Variants in NPY2R observed in about 807,000 individuals in gnomAD.
NPY2R encodes the protein neuropeptide Y receptor Y2, also known as neuropeptide Y receptor type 2.
In NPY2R, 17 loss-of-function variants were observed where a neutral mutation model predicts 22.3. The observed-to-expected ratio is 0.76, with a 90% CI of 0.52 to 1.14. The LOEUF is 1.14. NPY2R is among the 50% of genes most tolerant of loss of function. NPY2R has a pLI of 0.00. For synonymous variants in NPY2R, 209 were observed against 183.4 expected, an observed-to-expected ratio of 1.14 and a Z score of -1.13; for missense variants, 424 against 467.9, an observed-to-expected ratio of 0.91 and a Z score of 0.87.
At chr4:155,208,612 G>T (rs925679139), upstream of NPY2R, 1 of 152,346 alleles carries the variant, frequency 6.6e-6, no homozygotes, top group South Asian at 2.1e-4. This position sits in a 1 kb window ranked among gnomAD's most constrained non-coding sequence, Gnocchi z 5.6. Context: ...TGGCTGAGCG[G>T]GCTTGCAAGC....
rs1393348618 is a variant in NPY2R at position 155,214,714 on chromosome 4, T to C, written c.775T>C (p.Tyr259His). ...HVSPGAANDH[Y>H]HQRRQKTTKM... ...CAGTCCTGGAGCTGCAAATGACCAC[T>C]ACCATCAGCGAAGGCAAAAAACCAC... is the stretch of plus-strand genomic sequence containing the variant. Residue 259 changes from tyrosine to histidine, a missense_variant, in exon 2 of 2, where the codon TAC becomes CAC. Transcript: ENST00000329476. 6 of 1,614,126 alleles carry C rather than the reference T, an allele frequency of 3.7e-6. No homozygotes were observed. The highest frequency in any genetic ancestry group is 4.2e-6 in the Non-Finnish European group (5 of 1,180,038).
the NPY2R span, among the ~76,000 whole-genome samples, chr4:155,185,647 G>C: frequency 6.6e-6 from 1 of 150,554 alleles, no homozygotes; most frequent in Non-Finnish European, 1.5e-5. Flanking sequence ...CTCTAAGGTA[G>C]TTTTAAATAT....
chr4:155,175,223 T>A, the NPY2R span, among the ~76,000 whole-genome samples: 1 of 152,166 alleles, frequency 6.6e-6, no homozygotes, highest in Admixed American at 6.6e-5. Flanking sequence ...CCATTATGAT[T>A]TCAGGGAGTA....
chr4:155,210,835 AAG>A (rs1320020727), intron 1 of NPY2R, among the ~76,000 whole-genome samples: 2 of 152,182 alleles, frequency 1.3e-5, no homozygotes, highest in Non-Finnish European at 2.9e-5. Context: ...AAGATGCGGA[AAG>A]AGAAAAAAAA....
upstream of NPY2R, chr4:155,208,142 G>C (rs1287023887): frequency 6.6e-6 from 1 of 152,220 alleles, no homozygotes; most frequent in Non-Finnish European, 1.5e-5. This position sits in a 1 kb window ranked among gnomAD's most constrained non-coding sequence, Gnocchi z 5.6. Flanking sequence ...CGCTTTTCCG[G>C]GGTTCTGCGC....
the NPY2R span, among the ~76,000 whole-genome samples, chr4:155,182,809 T>C: frequency 6.6e-6 from 1 of 152,130 alleles, no homozygotes; most frequent in Admixed American, 6.5e-5. Context: ...TGTTTGTTTT[T>C]TGAGATGGAG....
chr4:155,194,704 T>A, the NPY2R span, among the ~76,000 whole-genome samples: 1 of 151,986 alleles, frequency 6.6e-6, no homozygotes, highest in African/African-American at 2.4e-5. Flanking sequence ...AATAAACACA[T>A]AAATGCATGT....
rs367825302 is a variant in NPY2R, at chr4:155,211,706, G to A, written c.-48-2186G>A. ...TCAGATAGTTGATTAAACAAGTGAT[G>A]GAAGCCAAACAATGGATGTTGAGAC... On this transcript the variant is annotated intron_variant, in intron 1 of 1. Transcript: ENST00000329476. 8.5e-5 allele frequency among the ~76,000 whole-genome samples: 13 copies of A among 152,286 alleles called. No homozygotes were observed. The East Asian group carries it at 2.5e-3, about 29-fold the overall frequency.
upstream of NPY2R, among the ~76,000 whole-genome samples, chr4:155,204,237 A>G (rs1729241201): frequency 6.6e-6 from 1 of 151,164 alleles, no homozygotes; most frequent in African/African-American, 2.4e-5. Context: ...GCTTTCTGGC[A>G]GAGTGAAAAC....
chr4:155,186,051 G>A, the NPY2R span, among the ~76,000 whole-genome samples: 7 of 152,044 alleles, frequency 4.6e-5, no homozygotes, highest in African/African-American at 1.7e-4. Context: ...GAATCAAAGG[G>A]ACATGTGTTA....
upstream of NPY2R, among the ~76,000 whole-genome samples, chr4:155,205,926 A>C (rs1218373012): frequency 1.3e-5 from 2 of 152,052 alleles, no homozygotes; most frequent in African/African-American, 4.8e-5. Context: ...GTTTATTTAA[A>C]ATTCAGAAGA....
intron 1 of NPY2R, 46 bp from the exon 2 acceptor site, chr4:155,213,846 G>C (rs1729452416): frequency 9.6e-7 from 1 of 1,045,232 alleles, no homozygotes; most frequent in Non-Finnish European, 1.5e-6. Context: ...TCGTTCCATT[G>C]GTTTTTGTTG....
chr4:155,208,046 A>T (rs1729317969), upstream of NPY2R: 1 of 152,066 alleles, frequency 6.6e-6, no homozygotes, highest in African/African-American at 2.4e-5. This position sits in a 1 kb window ranked among gnomAD's most constrained non-coding sequence, Gnocchi z 5.6. Context: ...GAGCACAGGG[A>T]CCGCCCAGCT....
the NPY2R span, among the ~76,000 whole-genome samples, chr4:155,182,356 T>G: frequency 6.6e-6 from 1 of 152,190 alleles, no homozygotes; most frequent in African/African-American, 2.4e-5. Context: ...GCAATATGCA[T>G]CTGTCACTTG....
In NPY2R at chr4:155,214,856, T is replaced by A. The variant is rs1729481647; in HGVS notation, c.917T>A (p.Ile306Asn). 4 of 1,609,392 alleles carry A rather than the reference T, an allele frequency of 2.5e-6. No homozygotes were observed. The highest frequency in any genetic ancestry group is 1.7e-6 in the Non-Finnish European group (2 of 1,177,062). The change falls in exon 2 of 2, where the codon ATC becomes AAC. Residue 306 changes from isoleucine to asparagine, a missense_variant. Ile to Asn is a moderately radical substitution (Grantham distance 149). Coordinates refer to ENST00000329476, the MANE Select transcript of NPY2R (RefSeq NM_000910.4). Reference sequence around the variant, plus strand: ...CTGGACCTGAAGGAGTACAAACTCATCTTCACAGTGTTCCACATCATCGCC... The same window carrying A: ...CTGGACCTGAAGGAGTACAAACTCAACTTCACAGTGTTCCACATCATCGCC... ...QVLDLKEYKL[I>N]FTVFHIIAMC...
At chr4:155,186,307 T>C in the NPY2R span, among the ~76,000 whole-genome samples, 3 of 152,174 alleles carry the variant, frequency 2.0e-5, no homozygotes, top group African/African-American at 4.8e-5. Flanking sequence ...TGATAAATCA[T>C]ATTTTAGGTT....
chr4:155,175,640 G>T, the NPY2R span, among the ~76,000 whole-genome samples: 1 of 152,096 alleles, frequency 6.6e-6, no homozygotes, highest in Non-Finnish European at 1.5e-5. Context: ...TTTGTTAAAA[G>T]CCTATTCTCA....
the NPY2R span, among the ~76,000 whole-genome samples, chr4:155,181,191 C>T: frequency 1.3e-5 from 2 of 152,144 alleles, no homozygotes; most frequent in South Asian, 2.1e-4. Context: ...TTACACAGCA[C>T]GTGGATAACT....
chr4:155,212,995 G>A (rs979529247), intron 1 of NPY2R, among the ~76,000 whole-genome samples: 3 of 152,182 alleles, frequency 2.0e-5, no homozygotes, highest in African/African-American at 7.2e-5. Context: ...ATTGAATGGA[G>A]CTGGAGACCA....
Sources: gnomAD v4.1 joint callset for allele counts (sites outside exome capture counted in the v4.1 genomes callset) on GRCh38, gnomAD v4.1.1 for gene constraint, Gnocchi (gnomAD v3.1) non-coding constraint, MANE v1.5 for transcripts, NCBI Gene and HGNC (gene_info 2026-07-23, HGNC 2026-07-21) for gene names.